Variants in TMEM244 observed in about 807,000 individuals in gnomAD.
The protein encoded by TMEM244 is putative transmembrane protein 244.
A neutral mutation model predicts 15.8 loss-of-function variants in TMEM244; 13 were observed. The observed-to-expected ratio is 0.82, with a 90% CI of 0.53 to 1.30. TMEM244 has a LOEUF of 1.30. TMEM244 is among the 50% of genes most tolerant of loss of function. The pLI is 0.00. For missense variants in TMEM244, 161 were observed against 144.9 expected (o/e 1.11, Z -0.57); for synonymous variants, 45 against 48.7 (o/e 0.92, Z 0.32).
intron 4 of TMEM244, among the ~76,000 whole-genome samples, chr6:129,832,119 A>G (rs1039187254): frequency 2.2e-5 from 3 of 135,738 alleles, no homozygotes; most frequent in Non-Finnish European, 4.6e-5. Flanking sequence ...TTTTTCTGAG[A>G]CAGAGTCTTG....
chr6:129,852,550 C>A (rs550173867), intron 1 of TMEM244, among the ~76,000 whole-genome samples: 1 of 152,176 alleles, frequency 6.6e-6, no homozygotes, highest in Middle Eastern at 3.4e-3. Context: ...TGAGATGGGG[C>A]TCGCATGAAG....
rs144798494 is a variant in TMEM244, at chr6:129,835,203, C to T, written c.194-1618G>A. ...TTGAAGCTAGGAGTTCAAGGCCACA[C>T]TGGGCAATATAGCAAGACTCTGTCT... On this transcript the variant is annotated intron_variant, in intron 3 of 4. Transcript: ENST00000368143. Among the ~76,000 whole-genome samples, 699 of 152,184 alleles carry T rather than the reference C, an allele frequency of 4.6e-3. 5 individuals carry two copies. The highest frequency in any genetic ancestry group is 0.016 in the African/African-American group (665 of 41,506).
chr6:129,839,365 A>G (rs1300656558), intron 3 of TMEM244, among the ~76,000 whole-genome samples: 1 of 152,228 alleles, frequency 6.6e-6, no homozygotes, highest in East Asian at 1.9e-4. Context: ...AAGGCCTTCA[A>G]CAAAATTCAA....
intron 3 of TMEM244, among the ~76,000 whole-genome samples, chr6:129,840,207 G>A (rs983893912): frequency 1.3e-5 from 2 of 152,146 alleles, no homozygotes; most frequent in Non-Finnish European, 2.9e-5. Flanking sequence ...AACCAAAACA[G>A]CATGGTACTG....
intron 1 of TMEM244, among the ~76,000 whole-genome samples, chr6:129,859,981 A>G (rs376107212): frequency 1.4e-4 from 21 of 152,184 alleles, no homozygotes; most frequent in African/African-American, 4.1e-4. Flanking sequence ...TCAACAACCT[A>G]TCTATTTTGA....
intron 1 of TMEM244, among the ~76,000 whole-genome samples, chr6:129,846,109 T>C (rs1175659495): frequency 1.3e-5 from 2 of 152,226 alleles, no homozygotes; most frequent in Non-Finnish European, 2.9e-5. Context: ...AGTTTTTCTT[T>C]TAATTTGAGC....
intron 1 of TMEM244, among the ~76,000 whole-genome samples, chr6:129,853,911 G>T (rs7341341): frequency 0.42 from 63,576 of 152,032 alleles, 14,244 homozygotes; most frequent in Non-Finnish European, 0.52. Context: ...ACACTGGCTT[G>T]ACGGGGCATA....
At chr6:129,834,850 T>C (rs562780011) in intron 3 of TMEM244, among the ~76,000 whole-genome samples, 113 of 152,304 alleles carry the variant, frequency 7.4e-4, no homozygotes, top group Middle Eastern at 6.8e-3. Flanking sequence ...CCTCCCCTAC[T>C]GGTTTACAGA....
intron 1 of TMEM244, among the ~76,000 whole-genome samples, chr6:129,855,206 C>T (rs1776688923): frequency 6.6e-6 from 1 of 152,146 alleles, no homozygotes; most frequent in South Asian, 2.1e-4. Context: ...TTTTACTTCA[C>T]TAACAATAAA....
intron 3 of TMEM244, among the ~76,000 whole-genome samples, chr6:129,842,360 C>T (rs1172717869): frequency 6.6e-6 from 1 of 152,124 alleles, no homozygotes; most frequent in African/African-American, 2.4e-5. Context: ...AAGTCTTAGA[C>T]CTCTTGTATC....
At chr6:129,848,668 C>T (rs1776595160) in intron 1 of TMEM244, among the ~76,000 whole-genome samples, 1 of 152,146 alleles carries the variant, frequency 6.6e-6, no homozygotes, top group Non-Finnish European at 1.5e-5. Context: ...AAATCTTCCC[C>T]AATTGCTGGG....
At chr6:129,833,618 G>A (rs1300954651) in intron 3 of TMEM244, 33 bp from the exon 4 acceptor site, 2 of 1,596,884 alleles carry the variant, frequency 1.3e-6, no homozygotes, top group East Asian at 4.5e-5. Context: ...AATTATTGAG[G>A]ACTAGAGCAA....
chr6:129,859,007 C>T (rs545852588), intron 1 of TMEM244, among the ~76,000 whole-genome samples: 1 of 152,190 alleles, frequency 6.6e-6, no homozygotes. Flanking sequence ...GTTTACCAGG[C>T]TGGTATCGAA....
chr6:129,831,764 T>A (rs2114630664), intron 4 of TMEM244, among the ~76,000 whole-genome samples: 1 of 152,322 alleles, frequency 6.6e-6, no homozygotes, highest in South Asian at 2.1e-4. Flanking sequence ...AAGTGCCACA[T>A]GTTAGATCAT....
chr6:129,842,307 T>C (rs1776502415), intron 3 of TMEM244, among the ~76,000 whole-genome samples: 1 of 152,196 alleles, frequency 6.6e-6, no homozygotes, highest in Admixed American at 6.6e-5. Flanking sequence ...TTGTGGATAG[T>C]GTTGGCAAAA....
chr6:129,832,678 GA>G (rs1776346603), intron 4 of TMEM244, among the ~76,000 whole-genome samples: 1 of 152,010 alleles, frequency 6.6e-6, no homozygotes, highest in African/African-American at 2.4e-5. Context: ...TTATCTAATT[GA>G]AACCTCATCA....
intron 1 of TMEM244, among the ~76,000 whole-genome samples, chr6:129,846,780 A>G (rs1381962097): frequency 1.3e-5 from 2 of 152,202 alleles, no homozygotes. Flanking sequence ...TAGCACAATA[A>G]TTAAACCTCT....
At chr6:129,853,167 G>T (rs937803551) in intron 1 of TMEM244, among the ~76,000 whole-genome samples, 1 of 152,096 alleles carries the variant, frequency 6.6e-6, no homozygotes, top group African/African-American at 2.4e-5. Flanking sequence ...AAGATCACCC[G>T]TGGGTCCTGT....
intron 3 of TMEM244, among the ~76,000 whole-genome samples, chr6:129,840,785 A>C (rs1776478892): frequency 6.6e-6 from 1 of 152,230 alleles, no homozygotes; most frequent in African/African-American, 2.4e-5. Flanking sequence ...ACACTTCTCA[A>C]AAGAAGACGT....
Sources: gnomAD v4.1 joint callset for allele counts (sites outside exome capture counted in the v4.1 genomes callset) on GRCh38, gnomAD v4.1.1 for gene constraint, MANE v1.5 for transcripts, NCBI Gene and HGNC (gene_info 2026-07-23, HGNC 2026-07-21) for gene names.